The following FLACC1 variants were observed in gnomAD, a reference collection of about 807,000 sequenced individuals.
The protein encoded by FLACC1 is flagellum associated containing coiled-coil domains 1.
A neutral mutation model predicts 62.8 loss-of-function variants in FLACC1; 66 were observed. That is an observed-to-expected ratio of 1.05 (90% confidence interval 0.86 to 1.29). FLACC1 has a LOEUF of 1.29. Ranked by LOEUF, FLACC1 falls within the 50% of genes most tolerant of loss-of-function variation. The pLI, the probability that FLACC1 is intolerant of heterozygous loss-of-function variation, is 0.00. For synonymous variants in FLACC1, 156 were observed against 161.0 expected, an observed-to-expected ratio of 0.97 and a Z score of 0.24; for missense variants, 452 against 489.1, an observed-to-expected ratio of 0.92 and a Z score of 0.71.
intron 9 of FLACC1, among the ~76,000 whole-genome samples, chr2:201,316,231 C>T (rs1164156256): frequency 6.6e-6 from 1 of 151,618 alleles, no homozygotes; most frequent in African/African-American, 2.4e-5. Flanking sequence ...TGAAATCAAA[C>T]AAACAAACAA....
chr2:201,315,561 A>T (rs1032554224), intron 9 of FLACC1, among the ~76,000 whole-genome samples: 2 of 152,104 alleles, frequency 1.3e-5, no homozygotes, highest in African/African-American at 4.8e-5. Flanking sequence ...TAAAACAATT[A>T]CTCCTAGACC....
At chr2:201,322,539 T>A (rs1441237868) in intron 9 of FLACC1, among the ~76,000 whole-genome samples, 1 of 151,994 alleles carries the variant, frequency 6.6e-6, no homozygotes, top group Non-Finnish European at 1.5e-5. Context: ...TAAAGTCACA[T>A]CCTTAAGTGG....
intron 9 of FLACC1, among the ~76,000 whole-genome samples, chr2:201,324,338 G>A (rs755123043): frequency 6.6e-6 from 1 of 152,116 alleles, no homozygotes; most frequent in Non-Finnish European, 1.5e-5. Context: ...ATCTAACACT[G>A]GAGCTTGCAG....
At chr2:201,330,972 T>A (rs530527850) in intron 7 of FLACC1, 139 bp from the exon 8 acceptor site, 11 of 155,962 alleles carry the variant, frequency 7.1e-5, no homozygotes, top group South Asian at 2.1e-4. Flanking sequence ...TTTTTAAATC[T>A]TTTTTTTTTT....
chr2:201,342,044 G>A (rs1327193094), intron 7 of FLACC1, among the ~76,000 whole-genome samples: 1 of 152,332 alleles, frequency 6.6e-6, no homozygotes, highest in African/African-American at 2.4e-5. Flanking sequence ...AGCCTTGGCT[G>A]AGAACAACAG....
chr2:201,319,007 G>T (rs997688624), intron 9 of FLACC1, among the ~76,000 whole-genome samples: 6 of 152,108 alleles, frequency 3.9e-5, no homozygotes, highest in Admixed American at 3.9e-4. Flanking sequence ...TACTGCTCGG[G>T]TGATGGGCAC....
At chr2:201,320,351 C>T (rs13388200) in intron 9 of FLACC1, among the ~76,000 whole-genome samples, 1,663 of 152,342 alleles carry the variant, frequency 0.011, 40 homozygotes, top group African/African-American at 0.038. Flanking sequence ...AGTGCAGGAA[C>T]TGGGTGCCTG....
chr2:201,297,012 G>C (rs1949879488), intron 12 of FLACC1, among the ~76,000 whole-genome samples: 1 of 152,140 alleles, frequency 6.6e-6, no homozygotes, highest in African/African-American at 2.4e-5. Context: ...TTTGGATTAT[G>C]TTATAGAGGA....
chr2:201,344,243 A>G lies in FLACC1; in HGVS notation c.389T>C (p.Leu130Pro), dbSNP rs773330644. ...RFSRTNIISD[L>P]EEQISELTAI... is the part of the protein sequence containing the mutation. ...TGTCAGCTCTGAGATTTGCTCTTCT[A>G]GGTCAGAAATGATGTTGGTCCTGTA... Residue 130 changes from leucine to proline, a missense_variant, in exon 6 of 15, where the codon CTA (leucine) becomes CCA (proline). Coordinates refer to ENST00000392257, the MANE Select transcript of FLACC1 (RefSeq NM_001127391.3). 1 of 1,613,512 alleles carries G rather than the reference A, an allele frequency of 6.2e-7. No individual in the cohort carries two copies. The highest frequency in any genetic ancestry group is 1.7e-5 in the Admixed American group (1 of 59,968).
At chr2:201,330,424 T>G in intron 9 of FLACC1, 46 bp downstream of exon 9, 10 of 1,536,960 alleles carry the variant, frequency 6.5e-6, no homozygotes, top group South Asian at 1.2e-5. Context: ...TAGCCAGGAA[T>G]GAGCCTTCCT....
At chr2:201,351,500 C>T in intron 1 of FLACC1, 49 bp from the exon 2 acceptor site, 1 of 901,220 alleles carries the variant, frequency 1.1e-6, no homozygotes, top group Non-Finnish European at 1.7e-6. Context: ...AGAATCAAAG[C>T]AAAAATACAG....
chr2:201,344,964 CA>C (rs1249278768), intron 5 of FLACC1, among the ~76,000 whole-genome samples: 1 of 152,140 alleles, frequency 6.6e-6, no homozygotes, highest in Non-Finnish European at 1.5e-5. Context: ...CAGGAGGAGA[CA>C]GTTCAAGGGT....
Position 201,293,062 on chromosome 2 carries a change from C to T in FLACC1, c.943-3277G>A, listed in dbSNP as rs553093207. ...CTACAAAAAGACTTAGACTCCCACACAATAATAATGGGAGACTTTAACACC... is the reference window on the plus strand; with the variant it reads ...CTACAAAAAGACTTAGACTCCCACATAATAATAATGGGAGACTTTAACACC... On this transcript the variant is annotated intron_variant, in intron 12 of 14. Coordinates refer to ENST00000392257, the MANE Select transcript of FLACC1 (RefSeq NM_001127391.3). 2.6e-5 allele frequency among the ~76,000 whole-genome samples: 4 copies of T among 152,260 alleles called. No individual in the cohort carries two copies. The East Asian group carries it at 7.7e-4, about 29-fold the overall frequency.
chr2:201,358,531 C>G (rs1380106979), upstream of FLACC1, among the ~76,000 whole-genome samples: 1 of 150,956 alleles, frequency 6.6e-6, no homozygotes, highest in Non-Finnish European at 1.5e-5. Context: ...ATTCTCCTGC[C>G]TCAGCCTCCC....
At chr2:201,342,955 ATCCTCTGGC>A (rs746232716) in intron 6 of FLACC1, among the ~76,000 whole-genome samples, 5 of 152,216 alleles carry the variant, frequency 3.3e-5, no homozygotes, top group Admixed American at 6.5e-5. Context: ...AACATGTCAG[ATCCTCTGGC>A]CAGTGTCTCA....
At chr2:201,358,383 C>T (rs1279867792), upstream of FLACC1, among the ~76,000 whole-genome samples, 1 of 150,976 alleles carries the variant, frequency 6.6e-6, no homozygotes, top group Non-Finnish European at 1.5e-5. Flanking sequence ...GATGGGACTA[C>T]ACAGGTGCAC....
intron 1 of FLACC1, among the ~76,000 whole-genome samples, chr2:201,356,016 T>C (rs967550010): frequency 1.3e-5 from 2 of 152,182 alleles, no homozygotes; most frequent in Admixed American, 6.5e-5. Flanking sequence ...CCCACCTCCA[T>C]GCCAGGCATT....
intron 12 of FLACC1, chr2:201,289,990 G>T: frequency 1.3e-6 from 1 of 768,966 alleles, no homozygotes; most frequent in Non-Finnish European, 2.0e-6. Flanking sequence ...TCATATGAAT[G>T]GTTCTAATGG....
At chr2:201,303,309 C>A (rs1402014282) in intron 11 of FLACC1, among the ~76,000 whole-genome samples, 1 of 152,040 alleles carries the variant, frequency 6.6e-6, no homozygotes, top group African/African-American at 2.4e-5. Context: ...CAACTCTATG[C>A]AAATAAACTA....
Sources: allele counts gnomAD v4.1 joint callset (sites outside exome capture counted in the v4.1 genomes callset), GRCh38; gene constraint gnomAD v4.1.1; transcripts MANE v1.5; gene names NCBI Gene and HGNC (gene_info 2026-07-23, HGNC 2026-07-21).